Variants in NXN observed in about 807,000 individuals in gnomAD.
NXN encodes the protein nucleoredoxin 1.
NXN carries 16 observed loss-of-function variants against 48.6 expected under a neutral mutation model. The ratio of observed to expected loss-of-function variants is 0.33; its 90% CI spans 0.22 to 0.50. The LOEUF is 0.50. Ranked by LOEUF, NXN falls within the 20% of genes least tolerant of loss-of-function variation. NXN has a pLI of 0.98. For missense variants in NXN, 492 were observed against 605.5 expected (o/e 0.81, Z 1.97); for synonymous variants, 281 against 269.6 (o/e 1.04, Z -0.41).
intron 7 of NXN, among the ~76,000 whole-genome samples, chr17:803,303 G>A (rs934234759): frequency 2.0e-5 from 3 of 152,160 alleles, no homozygotes; most frequent in Admixed American, 6.5e-5. Context: ...TGATGAGATC[G>A]GCCCACTGCA....
At chr17:903,572 G>T (rs117604679) in intron 1 of NXN, among the ~76,000 whole-genome samples, 1 of 151,456 alleles carries the variant, frequency 6.6e-6, no homozygotes, top group Non-Finnish European at 1.5e-5. Context: ...TTGTAAAGAC[G>T]GTGTTTTGCC....
intron 5 of NXN, among the ~76,000 whole-genome samples, chr17:812,554 C>T (rs909646629): frequency 2.0e-5 from 3 of 151,626 alleles, no homozygotes; most frequent in African/African-American, 2.4e-5. Context: ...CCCTGCAGAG[C>T]GAGTGTGTGT....
chr17:950,806 G>A lies in NXN; in HGVS notation c.360+28513C>T, dbSNP rs2069100503. 3.9e-5 allele frequency among the ~76,000 whole-genome samples: 6 copies of A among 151,914 alleles called. No homozygotes were observed. In the South Asian group the frequency reaches 1.3e-3, roughly 32 times the overall value. ...AACACTGTTCCCAAGATGTTAGCAG[G>A]GGAAAGAGTCGGACGAAATGGCGAA... On this transcript the variant is annotated intron_variant, in intron 1 of 7. Coordinates refer to ENST00000336868, the MANE Select transcript of NXN (RefSeq NM_022463.5).
At chr17:911,598 G>A (rs1431125671) in intron 1 of NXN, among the ~76,000 whole-genome samples, 1 of 151,464 alleles carries the variant, frequency 6.6e-6, no homozygotes, top group Admixed American at 6.6e-5. Context: ...CAAAGTATTG[G>A]GATTACAGCC....
At chr17:852,601 G>C (rs1020041449) in intron 1 of NXN, among the ~76,000 whole-genome samples, 5 of 152,160 alleles carry the variant, frequency 3.3e-5, no homozygotes, top group African/African-American at 9.7e-5. Context: ...TTGGATACGG[G>C]GCTCCTGGAA....
At chr17:906,821 A>C (rs1221830312) in intron 1 of NXN, among the ~76,000 whole-genome samples, 1 of 151,650 alleles carries the variant, frequency 6.6e-6, no homozygotes, top group Non-Finnish European at 1.5e-5. Flanking sequence ...CGCCCACCTC[A>C]GCCTCCCAAA....
intron 7 of NXN, 73 bp downstream of exon 7, chr17:803,609 G>A: frequency 2.5e-6 from 4 of 1,593,320 alleles, no homozygotes; most frequent in Non-Finnish European, 2.6e-6. Flanking sequence ...AGGCAACCCT[G>A]GGGCCAGGAT....
chr17:847,164 C>T (rs2067872503), intron 1 of NXN, among the ~76,000 whole-genome samples: 1 of 152,068 alleles, frequency 6.6e-6, no homozygotes, highest in Non-Finnish European at 1.5e-5. Flanking sequence ...CCCCGCGGAG[C>T]CACTAGCACT....
chr17:844,688 G>A (rs1024639017), intron 1 of NXN, among the ~76,000 whole-genome samples: 6 of 151,820 alleles, frequency 4.0e-5, no homozygotes, highest in South Asian at 2.1e-4. Context: ...AGGTTCAAGC[G>A]ATTCTCCTGC....
intron 1 of NXN, among the ~76,000 whole-genome samples, chr17:829,069 A>G (rs553700405): frequency 1.3e-5 from 2 of 151,572 alleles, no homozygotes; most frequent in East Asian, 3.9e-4. Flanking sequence ...ACCTTCACCA[A>G]CATTATCACT....
intron 1 of NXN, among the ~76,000 whole-genome samples, chr17:945,336 C>T (rs1191629766): frequency 6.6e-6 from 1 of 152,030 alleles, no homozygotes; most frequent in Non-Finnish European, 1.5e-5. Flanking sequence ...CTCGCCTCGG[C>T]GTCCTAAAGC....
At chr17:952,058 G>A (rs908149394) in intron 1 of NXN, among the ~76,000 whole-genome samples, 14 of 152,192 alleles carry the variant, frequency 9.2e-5, no homozygotes, top group African/African-American at 3.1e-4. Flanking sequence ...GGGCGTTTCC[G>A]TTTTTGTGGG....
rs550995121 is a variant in NXN, at chr17:858,071, A to C, written c.361-31993T>G. Among the ~76,000 whole-genome samples, 7 of 151,922 alleles carry C rather than the reference A, an allele frequency of 4.6e-5. No homozygotes were observed. The East Asian group carries it at 1.4e-3, about 29-fold the overall frequency. On this transcript the variant is annotated intron_variant, in intron 1 of 7. Transcript: ENST00000336868. Reference sequence around the variant, plus strand: ...CTGCAGCCTCGACCTCCCAGGCTCAAGTGATCCTCCCACCCCAGCCTCCCG... The same window carrying C: ...CTGCAGCCTCGACCTCCCAGGCTCACGTGATCCTCCCACCCCAGCCTCCCG...
At chr17:806,936 A>G (rs1053042203) in intron 5 of NXN, among the ~76,000 whole-genome samples, 13 of 150,016 alleles carry the variant, frequency 8.7e-5, no homozygotes, top group East Asian at 3.9e-4. Context: ...ACACACACAC[A>G]CACACACACA....
At chr17:944,371 C>T (rs2069019192) in intron 1 of NXN, among the ~76,000 whole-genome samples, 1 of 152,192 alleles carries the variant, frequency 6.6e-6, no homozygotes, top group Non-Finnish European at 1.5e-5. Flanking sequence ...AGATCAAATA[C>T]GCTTCTCTGA....
At chr17:809,485 G>A (rs1352701571) in intron 5 of NXN, among the ~76,000 whole-genome samples, 1 of 152,174 alleles carries the variant, frequency 6.6e-6, no homozygotes, top group African/African-American at 2.4e-5. Context: ...GCAGGTGGGG[G>A]CTGGGGCAAG....
chr17:842,514 A>C (rs904858044), intron 1 of NXN: 1 of 985,306 alleles, frequency 1.0e-6, no homozygotes, highest in Non-Finnish European at 1.2e-6. Flanking sequence ...CGCGTCTCAC[A>C]TGCAACCCAC....
intron 1 of NXN, among the ~76,000 whole-genome samples, chr17:885,477 C>CA (rs940966879): frequency 7.7e-5 from 11 of 143,396 alleles, no homozygotes; most frequent in African/African-American, 2.4e-4. Flanking sequence ...GACTCAATCT[C>CA]AAAAAAAAGA....
At chr17:872,836 G>C (rs1317200688) in intron 1 of NXN, among the ~76,000 whole-genome samples, 1 of 151,958 alleles carries the variant, frequency 6.6e-6, no homozygotes, top group Non-Finnish European at 1.5e-5. Flanking sequence ...GGCCAGGCTG[G>C]TCTTGAACTC....
Sources: gnomAD v4.1 joint callset for allele counts (sites outside exome capture counted in the v4.1 genomes callset) on GRCh38, gnomAD v4.1.1 for gene constraint, MANE v1.5 for transcripts, NCBI Gene and HGNC (gene_info 2026-07-23, HGNC 2026-07-21) for gene names.